The following BACH2 variants were observed in gnomAD, a reference collection of about 807,000 sequenced individuals.
BACH2 encodes the protein transcription regulator protein BACH2.
BACH2 carries 5 observed loss-of-function variants against 61.8 expected under a neutral mutation model. The ratio of observed to expected loss-of-function variants is 0.08; its 90% CI spans 0.04 to 0.17. BACH2 has a LOEUF of 0.17. BACH2 is among the 10% of genes least tolerant of loss of function. The pLI, the probability that BACH2 is intolerant of heterozygous loss-of-function variation, is 1.00. For missense variants in BACH2, 824 were observed against 1,091.1 expected, an observed-to-expected ratio of 0.76 and a Z score of 3.45; for synonymous variants, 446 against 440.1, an observed-to-expected ratio of 1.01 and a Z score of -0.17.
At chr6:90,080,306 G>A (rs552548480) in intron 5 of BACH2, among the ~76,000 whole-genome samples, 35 of 152,140 alleles carry the variant, frequency 2.3e-4, no homozygotes, top group Middle Eastern at 3.4e-3. Flanking sequence ...GTGGCACCAC[G>A]CTTACCAAGG....
At chr6:90,046,806 T>C (rs1231086493) in intron 5 of BACH2, among the ~76,000 whole-genome samples, 3 of 68,990 alleles carry the variant, frequency 4.3e-5, no homozygotes, top group African/African-American at 1.5e-4. Flanking sequence ...ATTTGGTGAC[T>C]TTTTTTTTTT....
chr6:90,258,042 C>A (rs958377943), intron 2 of BACH2, among the ~76,000 whole-genome samples: 1 of 152,078 alleles, frequency 6.6e-6, no homozygotes. Context: ...CCAAAAGTGC[C>A]GGGATTACAG....
intron 6 of BACH2, among the ~76,000 whole-genome samples, chr6:89,972,918 T>A (rs1410576196): frequency 1.3e-5 from 2 of 151,776 alleles, no homozygotes; most frequent in Non-Finnish European, 2.9e-5. Flanking sequence ...GTGAAACCCG[T>A]CTCTACTAAA....
chr6:90,239,008 C>T (rs545200746), intron 3 of BACH2, among the ~76,000 whole-genome samples: 5 of 152,284 alleles, frequency 3.3e-5, no homozygotes, highest in South Asian at 2.1e-4. Context: ...CAAAGTTAAA[C>T]GACCACTAAC....
intron 4 of BACH2, among the ~76,000 whole-genome samples, chr6:90,201,869 G>A (rs1768967387): frequency 7.9e-5 from 12 of 152,208 alleles, no homozygotes; most frequent in Admixed American, 7.9e-4. Flanking sequence ...ATTAAATATA[G>A]ATTGGACATT....
intron 3 of BACH2, among the ~76,000 whole-genome samples, chr6:90,229,471 GA>G (rs1203304998): frequency 0.017 from 2,462 of 142,494 alleles, 45 homozygotes; most frequent in East Asian, 0.077. Flanking sequence ...AAAAAAAAAA[GA>G]AAAAAAAAAT....
At chr6:89,956,489 C>T (rs1399568378) in intron 6 of BACH2, among the ~76,000 whole-genome samples, 1 of 152,198 alleles carries the variant, frequency 6.6e-6, no homozygotes, top group African/African-American at 2.4e-5. Flanking sequence ...GTAACTATGA[C>T]CCTTAATCCT....
intron 4 of BACH2, among the ~76,000 whole-genome samples, chr6:90,115,611 C>T (rs578055780): frequency 2.0e-5 from 3 of 152,036 alleles, no homozygotes; most frequent in African/African-American, 7.2e-5. Context: ...TAGGAACGGG[C>T]AAAGATTTCA....
chr6:90,037,016 G>A (rs1297152315), intron 5 of BACH2, among the ~76,000 whole-genome samples: 3 of 152,030 alleles, frequency 2.0e-5, no homozygotes, highest in Admixed American at 1.3e-4. Context: ...CACCTAAAAC[G>A]AGACACACAC....
chr6:90,158,879 C>A (rs909435545), intron 4 of BACH2, among the ~76,000 whole-genome samples: 3 of 152,140 alleles, frequency 2.0e-5, no homozygotes, highest in African/African-American at 7.2e-5. Flanking sequence ...AACAACACTG[C>A]CACTCCCTCA....
chr6:89,982,726 T>C (rs554140736), intron 6 of BACH2, among the ~76,000 whole-genome samples: 7 of 152,146 alleles, frequency 4.6e-5, no homozygotes, highest in Non-Finnish European at 7.4e-5. Flanking sequence ...AAATGAGGTA[T>C]TATGATTCTT....
At chr6:90,040,754 C>T (rs1779494116) in intron 5 of BACH2, among the ~76,000 whole-genome samples, 1 of 151,848 alleles carries the variant, frequency 6.6e-6, no homozygotes, top group Non-Finnish European at 1.5e-5. Context: ...TTCTTGAGTT[C>T]AATTCCTATA....
At chr6:90,226,098 G>T (rs1056121089) in intron 3 of BACH2, among the ~76,000 whole-genome samples, 1 of 152,176 alleles carries the variant, frequency 6.6e-6, no homozygotes, top group South Asian at 2.1e-4. Flanking sequence ...ATAGGAGTGG[G>T]TCTAGGATGT....
At chr6:89,938,417 A>G (rs916993547) in intron 7 of BACH2, 67 bp from the exon 8 acceptor site, 15 of 1,377,256 alleles carry the variant, frequency 1.1e-5, no homozygotes, top group Non-Finnish European at 1.5e-5. Context: ...CGGAACATCA[A>G]AAATGATAAA....
At chr6:90,056,592 G>A (rs1158960578) in intron 5 of BACH2, among the ~76,000 whole-genome samples, 2 of 151,944 alleles carry the variant, frequency 1.3e-5, no homozygotes, top group East Asian at 1.9e-4. Context: ...GGATACCCAG[G>A]AATTGAACTC....
chr6:90,139,941 T>C (rs534597555), intron 4 of BACH2, among the ~76,000 whole-genome samples: 1 of 152,302 alleles, frequency 6.6e-6, no homozygotes, highest in South Asian at 2.1e-4. Flanking sequence ...TGGAAGTTTA[T>C]TTTTCTCATG....
chr6:90,143,643 C>T (rs1256201158), intron 4 of BACH2, among the ~76,000 whole-genome samples: 1 of 152,122 alleles, frequency 6.6e-6, no homozygotes, highest in African/African-American at 2.4e-5. Context: ...CCACATCCTC[C>T]ACTTTTGCTG....
intron 3 of BACH2, among the ~76,000 whole-genome samples, chr6:90,222,492 G>A (rs1002331662): frequency 6.6e-6 from 1 of 152,180 alleles, no homozygotes; most frequent in African/African-American, 2.4e-5. Flanking sequence ...ATCAAGTGAA[G>A]GACTCACAGA....
At chr6:89,957,335 T>C (rs1774478586) in intron 6 of BACH2, among the ~76,000 whole-genome samples, 1 of 152,220 alleles carries the variant, frequency 6.6e-6, no homozygotes, top group Admixed American at 6.5e-5. Context: ...TTAGAAAGTA[T>C]TTGTCAAATT....
Sources: gnomAD v4.1 joint callset for allele counts (sites outside exome capture counted in the v4.1 genomes callset) on GRCh38, gnomAD v4.1.1 for gene constraint, MANE v1.5 for transcripts, NCBI Gene and HGNC (gene_info 2026-07-23, HGNC 2026-07-21) for gene names.